Variants in LMF1 observed in about 807,000 individuals in gnomAD.
The protein encoded by LMF1 is lipase maturation factor 1.
Under a neutral mutation model 60.6 loss-of-function variants are expected in LMF1, and 68 were observed. The ratio of observed to expected loss-of-function variants is 1.12; its 90% confidence interval spans 0.92 to 1.37. The LOEUF is 1.37. Ranked by LOEUF, LMF1 falls within the 40% of genes most tolerant of loss-of-function variation. The probability of loss-of-function intolerance (pLI) is 0.00; values close to 1 mark genes in which losing one functional copy is unlikely to be tolerated. For synonymous variants in LMF1, 418 were observed against 324.7 expected (o/e 1.29, Z -3.09); for missense variants, 948 against 767.2 (o/e 1.24, Z -2.78).
intron 2 of LMF1, among the ~76,000 whole-genome samples, chr16:953,136 C>T (rs1379192076): frequency 3.8e-5 from 5 of 132,400 alleles, no homozygotes; most frequent in African/African-American, 8.4e-5. Flanking sequence ...CATATCCACA[C>T]AGACACCCAC....
intron 10 of LMF1, among the ~76,000 whole-genome samples, chr16:864,220 T>TAC (rs2151691891): frequency 6.6e-6 from 1 of 152,386 alleles, no homozygotes; most frequent in East Asian, 1.9e-4. Flanking sequence ...CACTGAGGTC[T>TAC]ACTTTGAGGT....
chr16:858,868 G>GAGTGGTGTCTCGGGACGGGTGTGC (rs2069311899), intron 10 of LMF1, among the ~76,000 whole-genome samples: 1 of 61,122 alleles, frequency 1.6e-5, no homozygotes, highest in Non-Finnish European at 3.2e-5. Flanking sequence ...GGACGGGTGT[G>GAGTGGTGTCTCGGGACGGGTGTGC]AGTGGTGTCT....
intron 1 of LMF1, among the ~76,000 whole-genome samples, chr16:955,053 A>C (rs201381290): frequency 3.9e-5 from 3 of 76,236 alleles, no homozygotes; most frequent in African/African-American, 2.4e-4. Flanking sequence ...ACATCTAAGT[A>C]AACTAGACAC....
At chr16:915,517 C>G (rs146615088) in intron 3 of LMF1, among the ~76,000 whole-genome samples, 2 of 152,212 alleles carry the variant, frequency 1.3e-5, no homozygotes, top group Non-Finnish European at 2.9e-5. Flanking sequence ...GAGGCGAGAT[C>G]TGCGCCTGGC....
At chr16:978,777 C>G (rs79475286) in intron 1 of LMF1, among the ~76,000 whole-genome samples, 5 of 151,932 alleles carry the variant, frequency 3.3e-5, no homozygotes, top group Non-Finnish European at 7.4e-5. Flanking sequence ...GTGTGCAGCT[C>G]CCCCCTGGAT....
chr16:855,430 C>T (rs776960552), intron 10 of LMF1: 4 of 353,060 alleles, frequency 1.1e-5, no homozygotes, highest in Non-Finnish European at 1.7e-5. Context: ...TTAGGCCATA[C>T]TGGGTCTTGG....
chr16:954,242 T>C (rs989900544), intron 2 of LMF1, 115 bp downstream of exon 2: 1 of 1,117,124 alleles, frequency 9.0e-7, no homozygotes, highest in East Asian at 2.6e-5. Context: ...AATACCCTCC[T>C]GAAGGAATTT....
intron 5 of LMF1, among the ~76,000 whole-genome samples, chr16:888,461 T>C (rs1345243486): frequency 6.6e-6 from 1 of 152,166 alleles, no homozygotes; most frequent in Non-Finnish European, 1.5e-5. Context: ...GAGTCCTCAC[T>C]CCATCCTTCT....
At chr16:916,051 A>T (rs12597566) in intron 3 of LMF1, among the ~76,000 whole-genome samples, 1 of 151,962 alleles carries the variant, frequency 6.6e-6, no homozygotes, top group Non-Finnish European at 1.5e-5. Context: ...CGGCAAAGGG[A>T]GGGATGAGGG....
intron 10 of LMF1, among the ~76,000 whole-genome samples, chr16:861,787 G>A (rs557016927): frequency 8.5e-5 from 13 of 152,222 alleles, no homozygotes; most frequent in South Asian, 4.1e-4. Context: ...CTTGTCCTGC[G>A]TACTGCAGTG....
At position 944,412 on chromosome 16, in the gene LMF1, C is replaced by T. The variant is rs542635632; in HGVS notation, c.503+9945G>A. 3.9e-5 allele frequency among the ~76,000 whole-genome samples: 6 copies of T among 152,362 alleles called. No individual in the cohort carries two copies. In the South Asian group the frequency reaches 1.2e-3, roughly 32 times the overall value. On this transcript the variant is annotated intron_variant, in intron 2 of 10. Transcript: ENST00000262301. ...GCTCCTTTACTCTAATGCCTTGCCG[C>T]ACAAATGCAAGCTGCCCTCAACTCT...
chr16:956,031 C>A (rs1162254061), intron 1 of LMF1, among the ~76,000 whole-genome samples: 1 of 147,394 alleles, frequency 6.8e-6, no homozygotes, highest in Non-Finnish European at 1.5e-5. Context: ...ATCCACAGGT[C>A]TCTGAGTTCA....
Position 962,299 on chromosome 16 carries a change from T to C in LMF1, c.194-7633A>G, listed in dbSNP as rs2072825479. 6.6e-6 allele frequency among the ~76,000 whole-genome samples: 1 copy of C among 152,174 alleles called. No homozygotes were observed. The highest frequency in any genetic ancestry group is 1.5e-5 in the Non-Finnish European group (1 of 68,044). On this transcript the variant is annotated intron_variant, in intron 1 of 10. Coordinates refer to ENST00000262301, the MANE Select transcript of LMF1 (RefSeq NM_022773.4). This position sits in a 1 kb window ranked among gnomAD's most constrained non-coding sequence, Gnocchi z 4.5. The stretch of plus-strand genomic sequence containing the variant: ...GACCCAGAGGGAAAATAAATGGGCG[T>C]GGGTCCATAGTGACAAAATCAGTGA...
At chr16:888,629 T>C (rs2070381919) in intron 5 of LMF1, among the ~76,000 whole-genome samples, 1 of 152,208 alleles carries the variant, frequency 6.6e-6, no homozygotes, top group African/African-American at 2.4e-5. Context: ...ACCGCTCCGA[T>C]GTGGGGACCG....
At chr16:929,000 C>T (rs2071692816) in intron 3 of LMF1, among the ~76,000 whole-genome samples, 1 of 152,144 alleles carries the variant, frequency 6.6e-6, no homozygotes, top group South Asian at 2.1e-4. Flanking sequence ...GAAGCCCTGC[C>T]CTGGCGCCTG....
chr16:979,121 G>C (rs1189605413), intron 1 of LMF1: 3 of 453,180 alleles, frequency 6.6e-6, no homozygotes, highest in East Asian at 7.0e-5. Context: ...CTGGCACACA[G>C]CAAGTGCTTA....
At chr16:860,393 G>A (rs940225170) in intron 10 of LMF1, among the ~76,000 whole-genome samples, 2 of 151,386 alleles carry the variant, frequency 1.3e-5, no homozygotes, top group Non-Finnish European at 2.9e-5. Flanking sequence ...AGGCTGGAGT[G>A]TGGTGGTGTG....
chr16:924,517 CA>C (rs1162145874), intron 3 of LMF1, among the ~76,000 whole-genome samples: 4 of 152,172 alleles, frequency 2.6e-5, no homozygotes, highest in Admixed American at 2.6e-4. Flanking sequence ...GAGCATGTGG[CA>C]TTTTCGAAGC....
chr16:975,507 TTG>T (rs1050387999), upstream of LMF1, among the ~76,000 whole-genome samples: 9 of 152,132 alleles, frequency 5.9e-5, no homozygotes, highest in African/African-American at 1.2e-4. Flanking sequence ...GAGCCCACCG[TTG>T]TGTGTCGCCA....
Sources: gnomAD v4.1 joint callset for allele counts (sites outside exome capture counted in the v4.1 genomes callset) on GRCh38, gnomAD v4.1.1 for gene constraint, Gnocchi (gnomAD v3.1) non-coding constraint, MANE v1.5 for transcripts, NCBI Gene and HGNC (gene_info 2026-07-23, HGNC 2026-07-21) for gene names.